The following ANK3 variants were observed in gnomAD, a reference collection of about 807,000 sequenced individuals.
ANK3 encodes ankyrin-3.
In ANK3, 57 loss-of-function variants were observed where a neutral mutation model predicts 370.9. The observed-to-expected ratio is 0.15, with a 90% CI of 0.12 to 0.19. The LOEUF is 0.19. Among genes scored for constraint, ANK3 ranks in the 10% least tolerant of loss-of-function variants. The pLI is 1.00. For missense variants in ANK3, 4,439 were observed against 5,302.1 expected, an observed-to-expected ratio of 0.84 and a Z score of 5.06; for synonymous variants, 1,929 against 1,946.3, an observed-to-expected ratio of 0.99 and a Z score of 0.23.
At chr10:60,591,676 G>T (rs1193710488) in intron 2 of ANK3, among the ~76,000 whole-genome samples, 1 of 152,080 alleles carries the variant, frequency 6.6e-6, no homozygotes, top group African/African-American at 2.4e-5. Context: ...AGCAACCTAA[G>T]TATCCATCAA....
chr10:60,692,238 AC>A (rs1207895404), intron 1 of ANK3, among the ~76,000 whole-genome samples: 2 of 152,218 alleles, frequency 1.3e-5, no homozygotes, highest in Non-Finnish European at 2.9e-5. Context: ...CATAAGCAAT[AC>A]TGGCATACGT....
chr10:60,139,877 C>G, intron 23 of ANK3: 1 of 161,214 alleles, frequency 6.2e-6, no homozygotes, highest in Non-Finnish European at 1.3e-5. Context: ...CCAAGAGTGA[C>G]AAGGCAGGTT....
intron 1 of ANK3, among the ~76,000 whole-genome samples, chr10:60,657,308 GTGGGGACA>G (rs1430969869): frequency 6.6e-6 from 1 of 152,156 alleles, no homozygotes; most frequent in Non-Finnish European, 1.5e-5. Context: ...CAAGATGTGG[GTGGGGACA>G]CAACCAAACC....
chr10:60,141,613 G>A (rs1338321136), intron 23 of ANK3, among the ~76,000 whole-genome samples: 1 of 46,252 alleles, frequency 2.2e-5, no homozygotes, highest in Non-Finnish European at 4.1e-5. Flanking sequence ...CACCGCCCCC[G>A]AGAATACCTG....
intron 2 of ANK3, among the ~76,000 whole-genome samples, chr10:60,512,026 G>T (rs2076097655): frequency 6.6e-6 from 1 of 151,868 alleles, no homozygotes. Context: ...CTTCACTGTG[G>T]CAACACTCAG....
intron 1 of ANK3, among the ~76,000 whole-genome samples, chr10:60,313,928 G>GTTTTTTTTTTTTTTT (rs760802914): frequency 1.5e-5 from 2 of 132,124 alleles, no homozygotes; most frequent in African/African-American, 2.7e-5. Flanking sequence ...TTTTGTTTTT[G>GTTTTTTTTTTTTTTT]TTTTTTTTTT....
At chr10:60,401,011 C>T (rs2063342557) in intron 2 of ANK3, among the ~76,000 whole-genome samples, 1 of 150,116 alleles carries the variant, frequency 6.7e-6, no homozygotes, top group Non-Finnish European at 1.5e-5. Flanking sequence ...CTGTAAAAGC[C>T]ATTTTTATTC....
chr10:60,532,273 C>T (rs546786739), intron 2 of ANK3, among the ~76,000 whole-genome samples: 3 of 152,150 alleles, frequency 2.0e-5, no homozygotes, highest in African/African-American at 7.2e-5. Flanking sequence ...TTTGTGCAGC[C>T]GACCAAATTT....
chr10:60,688,417 T>C (rs1175852368), intron 1 of ANK3, among the ~76,000 whole-genome samples: 2 of 152,204 alleles, frequency 1.3e-5, no homozygotes, highest in Non-Finnish European at 2.9e-5. Context: ...AATGAATAAG[T>C]TAGATCTGCC....
rs79565842 is a variant in ANK3, at chr10:60,223,423, T to C, written c.898-9913A>G. 7.7e-3 allele frequency among the ~76,000 whole-genome samples: 1,172 copies of C among 152,344 alleles called. 11 individuals are homozygous for C. The highest frequency in any genetic ancestry group is 0.012 in the Non-Finnish European group (830 of 68,030). ...GGATAAAGTCAGCTTTACTGTTTTC[T>C]TACAAGTATCATGAATAATTTTTTA... On this transcript the variant is annotated intron_variant, in intron 8 of 43. Transcript: ENST00000280772.
chr10:60,234,666 G>A, intron 8 of ANK3, 22 bp downstream of exon 8: 1 of 1,449,542 alleles, frequency 6.9e-7, no homozygotes, highest in South Asian at 1.1e-5. Flanking sequence ...AGTAGAAGCA[G>A]GTACATAAGT....
At chr10:60,673,090 T>C (rs988783956) in intron 1 of ANK3, among the ~76,000 whole-genome samples, 9 of 152,026 alleles carry the variant, frequency 5.9e-5, no homozygotes, top group Admixed American at 5.9e-4. Context: ...GGACCATCTA[T>C]CTAAAACCTA....
intron 18 of ANK3, among the ~76,000 whole-genome samples, chr10:60,179,242 G>T (rs1045089139): frequency 6.6e-6 from 1 of 152,156 alleles, no homozygotes; most frequent in Non-Finnish European, 1.5e-5. Context: ...GACAATCATG[G>T]CTTCACTTCC....
At chr10:60,253,389 G>A (rs1441542020) in intron 7 of ANK3, among the ~76,000 whole-genome samples, 2 of 152,282 alleles carry the variant, frequency 1.3e-5, no homozygotes, top group East Asian at 1.9e-4. Context: ...ACTTAGAAAT[G>A]GCACCTCTGT....
At position 60,070,540 on chromosome 10, in the gene ANK3, G is replaced by A. The variant is rs1357986586; in HGVS notation, c.10341C>T (p.Asn3447=). Residue 3447 remains asparagine, a synonymous_variant, in exon 37 of 44, where the codon AAC becomes AAT. Coordinates refer to ENST00000280772, the MANE Select transcript of ANK3 (RefSeq NM_020987.5). This position sits in a 1 kb window ranked among gnomAD's most constrained non-coding sequence, Gnocchi z 5.7. ...CAGCTGGCTTCAGAATGCCCTCTGT[G>A]TTCCAGATATCTTTCTTAATTTCCA... ...QAMEIKKDIW[N]TEGILKPADR... The A allele has an allele frequency of 1.2e-6, 2 of 1,614,128 alleles. No homozygotes were observed. The highest frequency in any genetic ancestry group is 2.2e-5 in the East Asian group (1 of 44,856).
chr10:60,326,428 C>T (rs376747847), intron 1 of ANK3, among the ~76,000 whole-genome samples: 40 of 152,210 alleles, frequency 2.6e-4, no homozygotes, highest in African/African-American at 9.2e-4. Flanking sequence ...AGTGAGAGCC[C>T]GTACCTTACT....
At chr10:60,662,128 A>G (rs937418548) in intron 1 of ANK3, among the ~76,000 whole-genome samples, 1 of 152,218 alleles carries the variant, frequency 6.6e-6, no homozygotes, top group Admixed American at 6.5e-5. Context: ...CTTTTTATCT[A>G]TGACTACTAT....
At chr10:60,274,232 C>T (rs865902913) in intron 4 of ANK3, among the ~76,000 whole-genome samples, 2 of 152,256 alleles carry the variant, frequency 1.3e-5, no homozygotes, top group African/African-American at 4.8e-5. Context: ...TTTGGCCTCC[C>T]AAAGTGCTAA....
At position 60,134,408 on chromosome 10, in the gene ANK3, A is replaced by ATCATCT. The variant is rs754650734; in HGVS notation, c.2739-36_2739-35insAGATGA. On this transcript the variant is annotated intron_variant, in intron 24 of 43. Coordinates refer to ENST00000280772, the MANE Select transcript of ANK3 (RefSeq NM_020987.5). ...TTACAGTTAACCATTCAACAGTGGTAGATGATGATGAGATGAATAAAAAAA... is the reference window on the plus strand; with the variant it reads ...TTACAGTTAACCATTCAACAGTGGTATCATCTGATGATGATGAGATGAATAAAAAAA... 4 of 1,531,392 alleles carry ATCATCT rather than the reference A, an allele frequency of 2.6e-6. No homozygotes were observed. In the East Asian group the frequency reaches 9.0e-5, roughly 35 times the overall value. 94.9% of individuals were successfully genotyped at this position (1,531,392 alleles called of 1,614,324 possible). A position where few individuals can be genotyped will look rare whatever the true frequency, so the allele number is the denominator to read the frequency against.
Sources: allele counts gnomAD v4.1 joint callset (sites outside exome capture counted in the v4.1 genomes callset), GRCh38; gene constraint gnomAD v4.1.1; non-coding constraint Gnocchi (gnomAD v3.1); transcripts MANE v1.5; gene names NCBI Gene and HGNC (gene_info 2026-07-23, HGNC 2026-07-21).